NAA38: variants seen among roughly 807,000 people sequenced by gnomAD.
NAA38 encodes N-alpha-acetyltransferase 38, NatC auxiliary subunit.
Under a neutral mutation model 12.6 loss-of-function variants are expected in NAA38, and 15 were observed. The ratio of observed to expected loss-of-function variants is 1.19; its 90% CI spans 0.79 to 1.83. The LOEUF (loss-of-function observed/expected upper bound fraction) is 1.83. NAA38 is among the 40% of genes most tolerant of loss of function. The pLI, the probability that NAA38 is intolerant of heterozygous loss-of-function variation, is 0.00. For synonymous variants in NAA38, 88 were observed against 69.9 expected, an observed-to-expected ratio of 1.26 and a Z score of -1.29; for missense variants, 183 against 171.7, an observed-to-expected ratio of 1.07 and a Z score of -0.37.
In NAA38 at chr17:7,857,013, A is replaced by G. The variant is rs778108809; in HGVS notation, c.265+2T>C. On this transcript the variant is annotated splice_donor_variant, in intron 2 of 2. Transcript: ENST00000575771. LOFTEE classifies it high-confidence loss of function. ...GCGGGTGTGCATTCCCCGGGCACTG[A>G]CCCGACGGCTTGAGGAACTCCTGCG... 1 of 1,603,202 alleles carries G rather than the reference A, an allele frequency of 6.2e-7. No individual in the cohort carries two copies.
Position 7,856,829 on chromosome 17 carries a change from C to G in NAA38, c.280G>C (p.Gly94Arg). 6.2e-7 allele frequency: 1 copy of G among 1,613,756 alleles called. No individual in the cohort carries two copies. Residue 94 changes from glycine (G) to arginine (R), a missense_variant, in exon 3 of 3, where the codon GGG (glycine) becomes CGG (arginine). Physicochemically the swap from Gly to Arg is moderately radical, Grantham distance 125. Coordinates refer to ENST00000575771, the MANE Select transcript of NAA38 (RefSeq NM_001320925.4). ...GCCAGGCCCAGCACACGGGGCTCCC[C>G]GGCAGAGAAGGAATCTGGAAAGAAG... The part of the protein sequence containing the change: ...FLKPSDSFSA[G>R]EPRVLGLAMV...
At chr17:7,868,841 C>G (rs1967034461) in intron 2 of NAA38, among the ~76,000 whole-genome samples, 1 of 152,188 alleles carries the variant, frequency 6.6e-6, no homozygotes, top group African/African-American at 2.4e-5. Flanking sequence ...AGTTTCCAAC[C>G]TAACAATAGT....
At chr17:7,875,848 A>G (rs899628849) in intron 2 of NAA38, among the ~76,000 whole-genome samples, 1 of 152,168 alleles carries the variant, frequency 6.6e-6, no homozygotes, top group African/African-American at 2.4e-5. Flanking sequence ...CCACAGATCT[A>G]CTAGTTGCCT....
At chr17:7,869,757 C>T (rs1398487747) in intron 2 of NAA38, among the ~76,000 whole-genome samples, 7 of 150,654 alleles carry the variant, frequency 4.6e-5, no homozygotes, top group East Asian at 2.0e-4. Flanking sequence ...AGCAAGACTC[C>T]GTCTCCAAAA....
At chr17:7,872,500 T>C (rs998895962) in intron 2 of NAA38, among the ~76,000 whole-genome samples, 5 of 152,172 alleles carry the variant, frequency 3.3e-5, no homozygotes, top group South Asian at 2.1e-4. Flanking sequence ...GTAGCTGGGA[T>C]TGCAGGCATG....
At chr17:7,879,322 A>C (rs1967229327) in intron 2 of NAA38, among the ~76,000 whole-genome samples, 2 of 152,154 alleles carry the variant, frequency 1.3e-5, no homozygotes, top group African/African-American at 4.8e-5. Flanking sequence ...TGCTTGTTGT[A>C]TGAGTACATG....
At chr17:7,867,295 C>A (rs1453568922) in intron 2 of NAA38, among the ~76,000 whole-genome samples, 1 of 150,664 alleles carries the variant, frequency 6.6e-6, no homozygotes, top group Non-Finnish European at 1.5e-5. Context: ...AATTCACATA[C>A]CATAATATTC....
intron 2 of NAA38, among the ~76,000 whole-genome samples, chr17:7,876,174 T>C (rs1967171603): frequency 6.6e-6 from 1 of 152,156 alleles, no homozygotes; most frequent in African/African-American, 2.4e-5. Flanking sequence ...CAAGGTCATA[T>C]GGTAGCTCTA....
upstream of NAA38, chr17:7,858,114 G>A (rs780476302): frequency 5.6e-6 from 9 of 1,612,656 alleles, no homozygotes; most frequent in Non-Finnish European, 5.1e-6. Flanking sequence ...AAGAGATCCA[G>A]TGACCGACAG....
Position 7,857,190 on chromosome 17 carries a change from G to A in NAA38, c.90C>T (p.Asp30=). ...CAGCCGCCGAGTCCTCGCGCTCTCCGTCCGAATCCTGCGCGGGGTGTAACA... is the reference window on the plus strand; with the variant it reads ...CAGCCGCCGAGTCCTCGCGCTCTCCATCCGAATCCTGCGCGGGGTGTAACA... The part of the protein sequence containing the change: ...RQSSSSAGDS[D]GEREDSAAER... Residue 30 remains aspartate (D), a synonymous_variant, in exon 2 of 3, where the codon GAC becomes GAT. Coordinates refer to ENST00000575771, the MANE Select transcript of NAA38 (RefSeq NM_001320925.4). 6.2e-7 allele frequency: 1 copy of A among 1,613,066 alleles called. No homozygotes were observed. Among genetic ancestry groups the A allele is most frequent in the South Asian group, 1.1e-5 (1 of 91,078 alleles).
intron 1 of NAA38, chr17:7,883,383 C>T (rs1967341772): frequency 6.6e-6 from 1 of 152,186 alleles, no homozygotes; most frequent in South Asian, 2.1e-4. Flanking sequence ...TCAGATTTGA[C>T]TCTTTCCTCT....
chr17:7,870,500 A>G (rs1414070127), intron 2 of NAA38, among the ~76,000 whole-genome samples: 1 of 152,236 alleles, frequency 6.6e-6, no homozygotes, highest in East Asian at 1.9e-4. Context: ...TCGAAAAGAT[A>G]TATTGCAGTA....
intron 3 of NAA38, chr17:7,865,049 C>T (rs1216240955): frequency 1.3e-5 from 2 of 152,232 alleles, no homozygotes; most frequent in East Asian, 1.9e-4. Context: ...TGTACATACA[C>T]ATACCTATAT....
chr17:7,859,356 G>T, upstream of NAA38: 6 of 1,589,592 alleles, frequency 3.8e-6, 1 homozygote, highest in Non-Finnish European at 5.2e-6. Flanking sequence ...AGAATTCTGG[G>T]GGTGGGGTGC....
intron 3 of NAA38, chr17:7,864,068 T>A (rs530170892): frequency 1.3e-5 from 2 of 152,234 alleles, no homozygotes; most frequent in Non-Finnish European, 2.9e-5. Flanking sequence ...ATAAGGTTAA[T>A]GCATCCAGCA....
chr17:7,858,314 C>T, upstream of NAA38: 1 of 1,613,846 alleles, frequency 6.2e-7, no homozygotes, highest in Non-Finnish European at 8.5e-7. Context: ...ACACGTTGGG[C>T]CGGGGCCGGA....
At chr17:7,859,837 A>T (rs1257448351), upstream of NAA38, 1 of 543,044 alleles carries the variant, frequency 1.8e-6, no homozygotes, top group African/African-American at 1.9e-5. Context: ...ATACAAGAAG[A>T]TCAAGTACCT....
chr17:7,858,722 G>A, upstream of NAA38: 1 of 1,609,152 alleles, frequency 6.2e-7, no homozygotes, highest in Non-Finnish European at 8.5e-7. Flanking sequence ...ATTTTGGGAA[G>A]CCCTGGTGGC....
chr17:7,881,708 C>G (rs901740623), intron 2 of NAA38, among the ~76,000 whole-genome samples: 3 of 148,872 alleles, frequency 2.0e-5, no homozygotes, highest in Non-Finnish European at 4.5e-5. Context: ...ACTTAACAGG[C>G]ACAAATAAGA....
Sources: gnomAD v4.1 joint callset for allele counts (sites outside exome capture counted in the v4.1 genomes callset) on GRCh38, gnomAD v4.1.1 for gene constraint, MANE v1.5 for transcripts, NCBI Gene and HGNC (gene_info 2026-07-23, HGNC 2026-07-21) for gene names.